AGBL4: variants seen among roughly 807,000 people sequenced by gnomAD.
AGBL4 encodes the protein AGBL carboxypeptidase 4.
Under a neutral mutation model 66.4 loss-of-function variants are expected in AGBL4, and 58 were observed. The observed-to-expected ratio is 0.87, with a 90% CI of 0.71 to 1.09. The LOEUF is 1.09. AGBL4 is among the 50% of genes least tolerant of loss of function. The pLI, the probability that AGBL4 is intolerant of heterozygous loss-of-function variation, is 0.00. For synonymous variants in AGBL4, 234 were observed against 222.9 expected (o/e 1.05, Z -0.44); for missense variants, 579 against 631.0 (o/e 0.92, Z 0.88).
At chr1:48,978,642 T>C (rs1413541289) in intron 5 of AGBL4, among the ~76,000 whole-genome samples, 1 of 152,202 alleles carries the variant, frequency 6.6e-6, no homozygotes, top group African/African-American at 2.4e-5. Flanking sequence ...CAATTGTCCC[T>C]GAGTTATTTA....
intron 2 of AGBL4, among the ~76,000 whole-genome samples, chr1:49,791,808 A>G (rs1416028698): frequency 6.6e-6 from 1 of 152,026 alleles, no homozygotes; most frequent in Non-Finnish European, 1.5e-5. Flanking sequence ...TCCCTCTTTC[A>G]TAACATTTCT....
intron 3 of AGBL4, among the ~76,000 whole-genome samples, chr1:49,517,212 T>C (rs1204870672): frequency 6.6e-6 from 1 of 151,394 alleles, no homozygotes; most frequent in Non-Finnish European, 1.5e-5. Flanking sequence ...AATGAGAGTA[T>C]TGAACTAATG....
intron 4 of AGBL4, among the ~76,000 whole-genome samples, chr1:49,162,103 T>A (rs1646552000): frequency 6.6e-6 from 1 of 152,206 alleles, no homozygotes; most frequent in African/African-American, 2.4e-5. Context: ...AAGATTGTGA[T>A]AATATATGTT....
chr1:49,590,156 T>C (rs575034530), intron 3 of AGBL4, among the ~76,000 whole-genome samples: 1 of 152,182 alleles, frequency 6.6e-6, no homozygotes, highest in Admixed American at 6.5e-5. Flanking sequence ...AAATGAGACC[T>C]AGCTTCATTG....
At chr1:48,839,994 G>T (rs1646762935) in intron 6 of AGBL4, among the ~76,000 whole-genome samples, 1 of 152,158 alleles carries the variant, frequency 6.6e-6, no homozygotes, top group South Asian at 2.1e-4. Context: ...GGTCAGGAAA[G>T]GAAGATGGCT....
chr1:49,988,085 T>C (rs892083251), intron 1 of AGBL4, among the ~76,000 whole-genome samples: 2 of 152,090 alleles, frequency 1.3e-5, no homozygotes, highest in South Asian at 2.1e-4. Flanking sequence ...TATATGCATA[T>C]TTAGCTTGCT....
At chr1:49,292,374 C>A (rs1283503404) in intron 3 of AGBL4, among the ~76,000 whole-genome samples, 5 of 152,194 alleles carry the variant, frequency 3.3e-5, no homozygotes, top group Non-Finnish European at 7.4e-5. Flanking sequence ...TAGACCCCAC[C>A]TTCAAGCCAA....
rs960550329 is a variant in AGBL4 at position 49,198,544 on chromosome 1, T to G, written c.377+47226A>C. Among the ~76,000 whole-genome samples, 3 of 152,116 alleles carry G rather than the reference T, an allele frequency of 2.0e-5. No homozygotes were observed. The East Asian group carries it at 5.9e-4, about 30-fold the overall frequency. ...TTATAGAGATGGGGTATCACCATGTTGGCCAGGCTGGTCTAGAACTCCTGA... is the reference window on the plus strand; with the variant it reads ...TTATAGAGATGGGGTATCACCATGTGGGCCAGGCTGGTCTAGAACTCCTGA... On this transcript the variant is annotated intron_variant, in intron 4 of 13. Coordinates refer to ENST00000371839, the MANE Select transcript of AGBL4 (RefSeq NM_032785.4).
chr1:49,516,236 C>T (rs536770958), intron 3 of AGBL4, among the ~76,000 whole-genome samples: 2 of 151,898 alleles, frequency 1.3e-5, no homozygotes, highest in Non-Finnish European at 2.9e-5. Context: ...CAGGCAAATA[C>T]ACATGCAATT....
At chr1:49,748,669 G>C (rs893341230) in intron 2 of AGBL4, among the ~76,000 whole-genome samples, 1 of 152,160 alleles carries the variant, frequency 6.6e-6, no homozygotes, top group African/African-American at 2.4e-5. Flanking sequence ...TCCAGCATCT[G>C]TTGTTTCCTG....
rs1029511786 is a variant in AGBL4 at position 49,422,971 on chromosome 1, A to G, written c.283-177107T>C. 8 of 152,356 alleles carry G rather than the reference A, an allele frequency of 5.3e-5. No individual in the cohort carries two copies. In the South Asian group the frequency reaches 1.0e-3, roughly 20 times the overall value. The allele number at this position is 152,356 out of a possible 1,614,324, so 9.4% of individuals were successfully genotyped here. On this transcript the variant is annotated intron_variant, in intron 3 of 13. Coordinates refer to ENST00000371839, the MANE Select transcript of AGBL4 (RefSeq NM_032785.4). The stretch of plus-strand genomic sequence containing the variant: ...TTCTCAGTCTTCCCTGCAGTTAGAT[A>G]AGACTATGAACCAACTCTAGCAAAT...
intron 4 of AGBL4, among the ~76,000 whole-genome samples, chr1:49,187,869 G>T (rs1377827484): frequency 4.6e-5 from 7 of 152,036 alleles, no homozygotes; most frequent in African/African-American, 1.4e-4. Context: ...ATCTTAAATT[G>T]TAACTCCCAC....
intron 8 of AGBL4, among the ~76,000 whole-genome samples, chr1:48,652,169 T>C (rs906882151): frequency 9.9e-5 from 15 of 152,114 alleles, no homozygotes; most frequent in African/African-American, 3.6e-4. Flanking sequence ...ACAACTGCAC[T>C]CCAGCTTGGG....
chr1:48,742,746 T>G (rs1029794726), intron 6 of AGBL4: 2 of 1,604,356 alleles, frequency 1.2e-6, no homozygotes, highest in African/African-American at 2.7e-5. Flanking sequence ...ATTCTGACTT[T>G]ACTTTTTCCA....
At chr1:49,372,735 C>T (rs572412882) in intron 3 of AGBL4, among the ~76,000 whole-genome samples, 5 of 146,788 alleles carry the variant, frequency 3.4e-5, no homozygotes, top group African/African-American at 1.3e-4. Flanking sequence ...TTCTTTCCCT[C>T]TCTCTCTTCT....
chr1:48,759,322 G>C, intron 6 of AGBL4: 1 of 1,537,136 alleles, frequency 6.5e-7, no homozygotes, highest in Non-Finnish European at 8.8e-7. Flanking sequence ...GGCAAGGGCA[G>C]CTGGGATTTT....
intron 2 of AGBL4, among the ~76,000 whole-genome samples, chr1:49,763,581 C>T (rs915605739): frequency 6.6e-6 from 1 of 152,158 alleles, no homozygotes; most frequent in African/African-American, 2.4e-5. Context: ...AGCCACCCAC[C>T]TGGGACTAGC....
At chr1:49,255,226 A>G (rs1213846877) in intron 3 of AGBL4, among the ~76,000 whole-genome samples, 3 of 152,196 alleles carry the variant, frequency 2.0e-5, no homozygotes. Context: ...TAAACAGATG[A>G]TAACCTACAG....
chr1:49,784,774 A>T (rs1356162538), intron 2 of AGBL4, among the ~76,000 whole-genome samples: 1 of 152,048 alleles, frequency 6.6e-6, no homozygotes, highest in Non-Finnish European at 1.5e-5. Context: ...TACAGTTAAT[A>T]ATAAAAAGAT....
Sources: allele counts gnomAD v4.1 joint callset (sites outside exome capture counted in the v4.1 genomes callset), GRCh38; gene constraint gnomAD v4.1.1; transcripts MANE v1.5; gene names NCBI Gene and HGNC (gene_info 2026-07-23, HGNC 2026-07-21).